The following FBXL13 variants were observed in gnomAD, a reference collection of about 807,000 sequenced individuals.
FBXL13 encodes F-box and leucine-rich repeat protein 13.
A neutral mutation model predicts 83.6 loss-of-function variants in FBXL13; 67 were observed. The observed-to-expected ratio is 0.80, with a 90% confidence interval of 0.66 to 0.98. The LOEUF (loss-of-function observed/expected upper bound fraction) is 0.98, where lower values mean the gene tolerates loss of function less well. FBXL13 is among the 50% of genes least tolerant of loss of function. The pLI, the probability that FBXL13 is intolerant of heterozygous loss-of-function variation, is 0.00. For synonymous variants in FBXL13, 272 were observed against 299.5 expected, an observed-to-expected ratio of 0.91 and a Z score of 0.95; for missense variants, 822 against 866.5, an observed-to-expected ratio of 0.95 and a Z score of 0.64.
chr7:102,824,806 T>TC (rs1799352059), intron 18 of FBXL13, among the ~76,000 whole-genome samples: 1 of 118,360 alleles, frequency 8.4e-6, no homozygotes, highest in Non-Finnish European at 1.7e-5. Flanking sequence ...TTTTTTTTTT[T>TC]CCGAGTTGGG....
chr7:103,032,130 TTC>T (rs1194375093), intron 2 of FBXL13, among the ~76,000 whole-genome samples: 1 of 152,230 alleles, frequency 6.6e-6, no homozygotes, highest in Non-Finnish European at 1.5e-5. Flanking sequence ...TAAAACTGAT[TTC>T]TTTTTGAAAA....
chr7:102,828,988 C>T (rs962596845), intron 18 of FBXL13, among the ~76,000 whole-genome samples: 3 of 152,170 alleles, frequency 2.0e-5, no homozygotes, highest in Non-Finnish European at 2.9e-5. Flanking sequence ...GGGGATGTAA[C>T]ATCCTGAGAC....
intron 6 of FBXL13, among the ~76,000 whole-genome samples, chr7:102,971,428 T>C (rs1262301829): frequency 6.6e-6 from 1 of 151,432 alleles, no homozygotes; most frequent in Non-Finnish European, 1.5e-5. Flanking sequence ...AGAAACCCCC[T>C]CTCTACTAAA....
chr7:103,040,774 A>G (rs1311981044), intron 2 of FBXL13, among the ~76,000 whole-genome samples: 1 of 152,220 alleles, frequency 6.6e-6, no homozygotes, highest in African/African-American at 2.4e-5. Flanking sequence ...TGTTCTTTGA[A>G]ACCAAGGAGA....
chr7:102,900,881 G>A (rs1812882577), intron 11 of FBXL13, among the ~76,000 whole-genome samples: 2 of 152,234 alleles, frequency 1.3e-5, no homozygotes, highest in Non-Finnish European at 2.9e-5. Flanking sequence ...GCATAATGAT[G>A]TGAAATACTA....
At chr7:102,873,302 G>A (rs1808770446) in intron 16 of FBXL13, among the ~76,000 whole-genome samples, 1 of 152,158 alleles carries the variant, frequency 6.6e-6, no homozygotes, top group Non-Finnish European at 1.5e-5. Flanking sequence ...CCTGCTCCCT[G>A]ACTGTGTAAG....
chr7:102,885,052 T>G (rs559861743), intron 11 of FBXL13, among the ~76,000 whole-genome samples: 1 of 152,366 alleles, frequency 6.6e-6, no homozygotes, highest in East Asian at 1.9e-4. Context: ...TTAATGGGTA[T>G]GTGGATTGTT....
intron 6 of FBXL13, chr7:102,973,171 G>T: frequency 5.3e-6 from 1 of 188,714 alleles, no homozygotes; most frequent in Middle Eastern, 2.1e-3. Context: ...GTAAAATGAT[G>T]GTTATCAGCC....
intron 18 of FBXL13, among the ~76,000 whole-genome samples, chr7:102,824,721 A>G (rs970101624): frequency 2.6e-5 from 4 of 151,450 alleles, no homozygotes; most frequent in Non-Finnish European, 4.4e-5. Flanking sequence ...GATGACCTCA[A>G]GTGATCCGCT....
intron 6 of FBXL13, chr7:102,976,143 G>A: frequency 1.3e-6 from 1 of 766,462 alleles, no homozygotes; most frequent in Non-Finnish European, 2.4e-6. Flanking sequence ...CGTCAGCCTT[G>A]CCGCTGAAGA....
At position 102,880,583 on chromosome 7, in the gene FBXL13, A is replaced by G. The variant is rs556905591; in HGVS notation, c.1389-2133T>C. ...TTTTATTTCTTCAAACATTTCATAC[A>G]TGTTTACTTAACAATCCATGTCTGA... On this transcript the variant is annotated intron_variant, in intron 14 of 19. Coordinates refer to ENST00000313221, the Ensembl canonical transcript of FBXL13. Among the ~76,000 whole-genome samples the G allele has an allele frequency of 5.3e-5, 8 of 152,246 alleles. No individual in the cohort carries two copies. The South Asian group carries it at 1.7e-3, about 32-fold the overall frequency.
chr7:102,934,085 A>G (rs1338582261), intron 8 of FBXL13: 1 of 1,614,218 alleles, frequency 6.2e-7, no homozygotes, highest in Non-Finnish European at 8.5e-7. Context: ...TGACGTGTAC[A>G]CATATCTCCA....
intron 11 of FBXL13, among the ~76,000 whole-genome samples, chr7:102,899,971 C>T (rs147746729): frequency 9.0e-4 from 136 of 151,826 alleles, no homozygotes; most frequent in Middle Eastern, 3.4e-3. Flanking sequence ...TGCCTGAACC[C>T]AGGAGGTGGA....
chr7:102,912,846 C>A, intron 11 of FBXL13: 2 of 429,490 alleles, frequency 4.7e-6, no homozygotes, highest in Admixed American at 3.8e-5. Context: ...AAAAGTGGTC[C>A]GTTTCCTCAT....
At chr7:102,855,012 A>T (rs1805826140) in intron 16 of FBXL13, 152 bp from the exon 18 acceptor site, 1 of 472,184 alleles carries the variant, frequency 2.1e-6, no homozygotes, top group Non-Finnish European at 3.7e-6. Flanking sequence ...ACACTTAACA[A>T]ATCGTAAGAC....
Position 102,944,277 on chromosome 7 carries a change from C to G in FBXL13, c.725-12344G>C, listed in dbSNP as rs750655165. On this transcript the variant is annotated intron_variant, in intron 8 of 19. Transcript: ENST00000313221. ...CAAACAACAGTCTGCAAAACTTTGA[C>G]TATGGCGTATTAGAAGACTTGTATT... 4.3e-6 allele frequency: 7 copies of G among 1,613,794 alleles called. 1 individual carries two copies. In the South Asian group the frequency reaches 7.7e-5, roughly 18 times the overall value.
chr7:102,931,431 A>G (rs919322376), intron 9 of FBXL13, among the ~76,000 whole-genome samples: 2 of 152,202 alleles, frequency 1.3e-5, no homozygotes, highest in Non-Finnish European at 2.9e-5. Flanking sequence ...CAAAGAGTAT[A>G]AAGTGCTCAC....
chr7:102,994,722 T>C (rs1829917976), intron 6 of FBXL13, among the ~76,000 whole-genome samples: 1 of 152,218 alleles, frequency 6.6e-6, no homozygotes, highest in Non-Finnish European at 1.5e-5. Flanking sequence ...ACTGGCTTAG[T>C]TCTGATTGGT....
At chr7:102,941,972 G>T (rs373636376) in intron 8 of FBXL13, among the ~76,000 whole-genome samples, 2 of 152,156 alleles carry the variant, frequency 1.3e-5, no homozygotes, top group African/African-American at 4.8e-5. Context: ...CTTTTCATCA[G>T]TTGTGGAATT....
Sources: gnomAD v4.1 joint callset for allele counts (sites outside exome capture counted in the v4.1 genomes callset) on GRCh38, gnomAD v4.1.1 for gene constraint, MANE v1.5 for transcripts, NCBI Gene and HGNC (gene_info 2026-07-23, HGNC 2026-07-21) for gene names.